CFAP299: variants seen among roughly 807,000 people sequenced by gnomAD.
CFAP299 encodes the protein cilia- and flagella-associated protein 299.
Under a neutral mutation model 27.0 loss-of-function variants are expected in CFAP299, and 21 were observed. That is an observed-to-expected ratio of 0.78 (90% CI 0.55 to 1.12). The LOEUF (loss-of-function observed/expected upper bound fraction) is 1.12. CFAP299 is among the 50% of genes most tolerant of loss of function. CFAP299 has a pLI of 0.00. For synonymous variants in CFAP299, 104 were observed against 98.1 expected (o/e 1.06, Z -0.36); for missense variants, 310 against 276.6 (o/e 1.12, Z -0.86).
chr4:80,859,231 AC>A (rs1477789683), intron 3 of CFAP299, among the ~76,000 whole-genome samples: 1 of 151,714 alleles, frequency 6.6e-6, no homozygotes, highest in African/African-American at 2.4e-5. Context: ...TAGGATTGCA[AC>A]CCCTGCCTTT....
rs1447954477 is a variant in CFAP299, at chr4:80,386,665, G to A, written c.242+23781G>A. 4.4e-6 allele frequency: 7 copies of A among 1,586,866 alleles called. No homozygotes were observed. The East Asian group carries it at 6.8e-5, about 15-fold the overall frequency. On this transcript the variant is annotated intron_variant, in intron 2 of 5. Coordinates refer to ENST00000358105, the MANE Select transcript of CFAP299 (RefSeq NM_152770.3). ...AGCCCGTGTGGGCGCGCAGGTGCTCGGCGAGGTGGGCACGGCGGCTGAAGG... is the reference window on the plus strand; with the variant it reads ...AGCCCGTGTGGGCGCGCAGGTGCTCAGCGAGGTGGGCACGGCGGCTGAAGG...
intron 3 of CFAP299, among the ~76,000 whole-genome samples, chr4:80,668,895 G>A (rs1178898323): frequency 6.6e-6 from 1 of 151,904 alleles, no homozygotes; most frequent in Non-Finnish European, 1.5e-5. Context: ...AATCTATAAA[G>A]TGCTTTGGGT....
At chr4:80,422,729 A>G (rs114137677) in intron 2 of CFAP299, among the ~76,000 whole-genome samples, 1,673 of 152,304 alleles carry the variant, frequency 0.011, 26 homozygotes, top group African/African-American at 0.039. Context: ...CAATACAAGA[A>G]TTTATGGGTG....
chr4:80,714,561 G>C (rs1435468108), intron 3 of CFAP299, among the ~76,000 whole-genome samples: 1 of 152,104 alleles, frequency 6.6e-6, no homozygotes, highest in Non-Finnish European at 1.5e-5. Flanking sequence ...TCCACTTCCA[G>C]AATGCCAACA....
intron 3 of CFAP299, among the ~76,000 whole-genome samples, chr4:80,676,720 G>A (rs1304535433): frequency 6.6e-6 from 1 of 151,948 alleles, no homozygotes; most frequent in Non-Finnish European, 1.5e-5. Context: ...TTTCTGCTAG[G>A]TTTTCCAATG....
intron 3 of CFAP299, among the ~76,000 whole-genome samples, chr4:80,707,140 G>A (rs779469499): frequency 2.7e-4 from 41 of 151,886 alleles, no homozygotes; most frequent in Non-Finnish European, 4.9e-4. Context: ...ACCCTGACCA[G>A]TAACCCAGAC....
At chr4:80,709,614 T>C (rs1722021853) in intron 3 of CFAP299, among the ~76,000 whole-genome samples, 1 of 152,164 alleles carries the variant, frequency 6.6e-6, no homozygotes, top group South Asian at 2.1e-4. Context: ...ATAAAGTAGA[T>C]AAAATGTAAC....
intron 3 of CFAP299, among the ~76,000 whole-genome samples, chr4:80,789,899 G>A (rs987820343): frequency 3.3e-5 from 5 of 151,928 alleles, no homozygotes; most frequent in Non-Finnish European, 7.4e-5. Flanking sequence ...TTAAACAAAT[G>A]AAATATGTCT....
intron 3 of CFAP299, among the ~76,000 whole-genome samples, chr4:80,604,239 T>C (rs1233098204): frequency 6.6e-6 from 1 of 152,034 alleles, no homozygotes; most frequent in Non-Finnish European, 1.5e-5. Context: ...CTTTTGATTG[T>C]CAAAAGCTAA....
chr4:80,406,537 T>C (rs1726431245), intron 2 of CFAP299, among the ~76,000 whole-genome samples: 1 of 152,044 alleles, frequency 6.6e-6, no homozygotes, highest in Non-Finnish European at 1.5e-5. Context: ...GCTCATTTTG[T>C]TTACTTTTTT....
intron 1 of CFAP299, among the ~76,000 whole-genome samples, chr4:80,347,256 AC>A (rs758236155): frequency 6.6e-6 from 1 of 152,060 alleles, no homozygotes; most frequent in Non-Finnish European, 1.5e-5. Flanking sequence ...CTATTTGAAT[AC>A]CCTTTAATTC....
chr4:80,872,873 C>T, intron 4 of CFAP299: 3 of 954,454 alleles, frequency 3.1e-6, no homozygotes, highest in Non-Finnish European at 3.7e-6. Context: ...AATCCTTTGC[C>T]TCTTATGTGT....
chr4:80,447,102 GT>G (rs1728651944), intron 2 of CFAP299, among the ~76,000 whole-genome samples: 1 of 128,644 alleles, frequency 7.8e-6, no homozygotes, highest in Non-Finnish European at 1.7e-5. Context: ...CTTTGTTTTT[GT>G]TTTTGCTTTT....
chr4:80,610,331 A>G (rs906924405), intron 3 of CFAP299, among the ~76,000 whole-genome samples: 2 of 152,052 alleles, frequency 1.3e-5, no homozygotes, highest in Non-Finnish European at 2.9e-5. Flanking sequence ...CCCAACCCCT[A>G]ACCTGGACTT....
intron 3 of CFAP299, among the ~76,000 whole-genome samples, chr4:80,703,888 C>A (rs1024709777): frequency 2.0e-5 from 3 of 151,558 alleles, no homozygotes; most frequent in African/African-American, 7.3e-5. Flanking sequence ...AAGAAACCAG[C>A]GTCTGGGGAA....
intron 2 of CFAP299, among the ~76,000 whole-genome samples, chr4:80,441,604 C>A (rs1408591853): frequency 6.6e-6 from 1 of 152,152 alleles, no homozygotes; most frequent in Non-Finnish European, 1.5e-5. Context: ...CAACAACATA[C>A]CAAAATGTAA....
chr4:80,545,331 GA>G (rs1235104339), intron 2 of CFAP299, among the ~76,000 whole-genome samples: 2 of 151,862 alleles, frequency 1.3e-5, no homozygotes, highest in Non-Finnish European at 2.9e-5. Context: ...GCTAACAGAA[GA>G]AAATAAATAA....
rs539944327 is a variant in CFAP299, at chr4:80,590,156, G to A, written c.333+6973G>A. ...AACATAGGATCATCTCAAAGACATCGTGTTCAGTTAAAAGGAAAAAAGGCA... is the reference window on the plus strand; with the variant it reads ...AACATAGGATCATCTCAAAGACATCATGTTCAGTTAAAAGGAAAAAAGGCA... On this transcript the variant is annotated intron_variant, in intron 3 of 5. Transcript: ENST00000358105. Among the ~76,000 whole-genome samples, 48 of 152,162 alleles carry A rather than the reference G, an allele frequency of 3.2e-4. 1 individual carries two copies. Among genetic ancestry groups the A allele is most frequent in the African/African-American group, 9.4e-4 (39 of 41,512 alleles).
chr4:80,618,328 C>G (rs1428957388), intron 3 of CFAP299, among the ~76,000 whole-genome samples: 1 of 152,092 alleles, frequency 6.6e-6, no homozygotes, highest in Admixed American at 6.6e-5. Flanking sequence ...TAAAAATTTT[C>G]TCTCATGAGC....
Sources: allele counts gnomAD v4.1 joint callset (sites outside exome capture counted in the v4.1 genomes callset), GRCh38; gene constraint gnomAD v4.1.1; transcripts MANE v1.5; gene names NCBI Gene and HGNC (gene_info 2026-07-23, HGNC 2026-07-21).